FAT3: variants seen among roughly 807,000 people sequenced by gnomAD.
FAT3 encodes FAT atypical cadherin 3.
A neutral mutation model predicts 310.2 loss-of-function variants in FAT3; 95 were observed. That is an observed-to-expected ratio of 0.31 (90% confidence interval 0.26 to 0.36). The LOEUF is 0.36. FAT3 is among the 10% of genes least tolerant of loss of function. The pLI, the probability that FAT3 is intolerant of heterozygous loss-of-function variation, is 1.00. For missense variants in FAT3, 5,408 were observed against 5,715.6 expected (o/e 0.95, Z 1.74); for synonymous variants, 2,314 against 2,192.9 (o/e 1.06, Z -1.54).
intron 1 of FAT3, among the ~76,000 whole-genome samples, chr11:92,298,566 A>G (rs1423815689): frequency 3.3e-5 from 5 of 152,130 alleles, no homozygotes; most frequent in African/African-American, 7.2e-5. Flanking sequence ...TGTTCTTCCT[A>G]TTTGTTGAAG....
chr11:92,234,164 T>C (rs1364990771), intron 1 of FAT3, among the ~76,000 whole-genome samples: 2 of 152,214 alleles, frequency 1.3e-5, no homozygotes, highest in Non-Finnish European at 2.9e-5. Flanking sequence ...AAATACACTC[T>C]TTATTTAAAC....
chr11:92,396,587 G>A (rs1225773060), intron 2 of FAT3, among the ~76,000 whole-genome samples: 1 of 152,234 alleles, frequency 6.6e-6, no homozygotes, highest in Non-Finnish European at 1.5e-5. Flanking sequence ...CCCCGTGGAA[G>A]TGCAAGGCTG....
rs1448575010 is a variant in FAT3 at position 92,894,570 on chromosome 11, A to T, written c.*3457A>T. On this transcript the variant is annotated 3_prime_UTR_variant, in exon 28 of 28. Transcript: ENST00000525166. ...CACACATTCTGGTTAGGTTGAGAAT[A>T]GCTAGACTCTTGGTGCTCGTCATAT... 1 of 152,242 alleles carries T rather than the reference A, an allele frequency of 6.6e-6. No homozygotes were observed. Among genetic ancestry groups the T allele is most frequent in the Non-Finnish European group, 1.5e-5 (1 of 68,042 alleles). The allele number at this position is 152,242 out of a possible 1,614,324, so 9.4% of individuals were successfully genotyped here. A position where few individuals can be genotyped will look rare whatever the true frequency, so the allele number is the denominator to read the frequency against.
chr11:92,512,257 A>T (rs138586245), intron 2 of FAT3, among the ~76,000 whole-genome samples: 1 of 152,022 alleles, frequency 6.6e-6, no homozygotes, highest in Non-Finnish European at 1.5e-5. Context: ...AATCACAACA[A>T]ATTTAAAGAT....
At chr11:92,779,307 C>T (rs7109696) in intron 7 of FAT3, among the ~76,000 whole-genome samples, 90 of 152,042 alleles carry the variant, frequency 5.9e-4, no homozygotes, top group African/African-American at 2.0e-3. Flanking sequence ...ATTTACATAC[C>T]GTTTACCTTG....
intron 3 of FAT3, among the ~76,000 whole-genome samples, chr11:92,556,358 C>T (rs946178355): frequency 5.3e-5 from 8 of 152,166 alleles, no homozygotes; most frequent in Non-Finnish European, 1.2e-4. Flanking sequence ...TCCTTGCCCT[C>T]ACCATTTGTC....
chr11:92,338,899 T>C (rs769947607), intron 1 of FAT3, among the ~76,000 whole-genome samples: 14 of 152,142 alleles, frequency 9.2e-5, no homozygotes, highest in African/African-American at 2.2e-4. Context: ...CAGGTTTACA[T>C]TGTAGGGATG....
chr11:92,395,235 T>C (rs1949840319), intron 2 of FAT3, among the ~76,000 whole-genome samples: 1 of 152,220 alleles, frequency 6.6e-6, no homozygotes, highest in Admixed American at 6.5e-5. Context: ...TGAGTTTAAA[T>C]AGGTACTTGA....
chr11:92,569,508 G>A (rs1193190960), intron 3 of FAT3, among the ~76,000 whole-genome samples: 2 of 152,274 alleles, frequency 1.3e-5, no homozygotes, highest in African/African-American at 4.8e-5. Context: ...AGTAACGAAA[G>A]TTGAGAACAA....
chr11:92,378,587 A>T (rs1277641199), intron 2 of FAT3, among the ~76,000 whole-genome samples: 4 of 152,188 alleles, frequency 2.6e-5, no homozygotes, highest in Non-Finnish European at 5.9e-5. Flanking sequence ...AAAGATTTTT[A>T]AAAATATCTT....
chr11:92,827,520 G>A (rs1386012505), intron 13 of FAT3, among the ~76,000 whole-genome samples: 1 of 152,164 alleles, frequency 6.6e-6, no homozygotes, highest in Non-Finnish European at 1.5e-5. Flanking sequence ...GGCAGGCTGT[G>A]GCCTAGAGGT....
intron 2 of FAT3, among the ~76,000 whole-genome samples, chr11:92,412,742 T>TACAC (rs1950317079): frequency 1.5e-4 from 9 of 58,894 alleles, no homozygotes; most frequent in East Asian, 3.1e-4. Flanking sequence ...TATATATATA[T>TACAC]ATAAATATAC....
intron 1 of FAT3, among the ~76,000 whole-genome samples, chr11:92,345,866 A>T (rs1355582938): frequency 6.6e-6 from 1 of 152,142 alleles, no homozygotes. Flanking sequence ...TCAATGGTTA[A>T]ACTAGGGTGT....
At chr11:92,415,983 C>T (rs1395913221) in intron 2 of FAT3, among the ~76,000 whole-genome samples, 1 of 148,424 alleles carries the variant, frequency 6.7e-6, no homozygotes, top group Non-Finnish European at 1.5e-5. Flanking sequence ...CAAGTGCCAC[C>T]ATGCCTGGCT....
At chr11:92,368,828 G>GTATA (rs1565263475) in intron 2 of FAT3, among the ~76,000 whole-genome samples, 4 of 108,144 alleles carry the variant, frequency 3.7e-5, no homozygotes, top group African/African-American at 2.3e-4. Flanking sequence ...ATGTTTGTGT[G>GTATA]TATACATATA....
At chr11:92,654,886 A>G (rs1311977593) in intron 3 of FAT3, among the ~76,000 whole-genome samples, 2 of 152,184 alleles carry the variant, frequency 1.3e-5, no homozygotes, top group African/African-American at 2.4e-5. Flanking sequence ...CAAGTTCCAT[A>G]ATATCCTACA....
At chr11:92,865,060 G>T (rs1433648231) in intron 21 of FAT3, among the ~76,000 whole-genome samples, 2 of 152,200 alleles carry the variant, frequency 1.3e-5, no homozygotes, top group Non-Finnish European at 1.5e-5. Context: ...GGGTACCTGA[G>T]TGGTACATGA....
intron 3 of FAT3, among the ~76,000 whole-genome samples, chr11:92,685,574 A>T (rs1401583458): frequency 1.3e-5 from 2 of 150,180 alleles, no homozygotes; most frequent in African/African-American, 2.4e-5. Context: ...TATTTATTTG[A>T]TTGTGTTTAC....
intron 19 of FAT3, among the ~76,000 whole-genome samples, chr11:92,852,403 C>T (rs902505856): frequency 6.6e-6 from 1 of 152,186 alleles, no homozygotes; most frequent in Non-Finnish European, 1.5e-5. Context: ...TGCCTTCATA[C>T]TTCCTTGAGC....
Sources: gnomAD v4.1 joint callset for allele counts (sites outside exome capture counted in the v4.1 genomes callset) on GRCh38, gnomAD v4.1.1 for gene constraint, MANE v1.5 for transcripts, NCBI Gene and HGNC (gene_info 2026-07-23, HGNC 2026-07-21) for gene names.